PAX9: variants seen among roughly 807,000 people sequenced by gnomAD.
PAX9 encodes paired box 9.
Under a neutral mutation model 29.1 loss-of-function variants are expected in PAX9, and 6 were observed. That is an observed-to-expected ratio of 0.21 (90% confidence interval 0.11 to 0.41). The LOEUF is 0.41. Ranked by LOEUF, PAX9 falls within the 10% of genes least tolerant of loss-of-function variation. The pLI, the probability that PAX9 is intolerant of heterozygous loss-of-function variation, is 1.00. For synonymous variants in PAX9, 217 were observed against 211.7 expected, an observed-to-expected ratio of 1.03 and a Z score of -0.22; for missense variants, 443 against 479.1, an observed-to-expected ratio of 0.92 and a Z score of 0.70.
At position 36,676,202 on chromosome 14, in the gene PAX9, C is replaced by A. The variant is rs1881881391; in HGVS notation, c.776C>A (p.Pro259Gln). 3.1e-6 allele frequency: 5 copies of A among 1,614,092 alleles called. No homozygotes were observed. Among genetic ancestry groups the A allele is most frequent in the Non-Finnish European group, 3.4e-6 (4 of 1,180,000 alleles). ...CTTCTTTTCTACTCCTCTCAGGCAC[C>A]AAATGGTCTCCCAGCTGTGGGCAGT... ...LEQEAKYGQAPNGLPAVGSFV... is the reference protein window; with the variant it reads ...LEQEAKYGQAQNGLPAVGSFV... Residue 259 changes from proline to glutamine, a missense_variant, in exon 4 of 4, where the codon CCA (proline) becomes CAA (glutamine). Physicochemically the swap from Pro to Gln is moderately conservative, Grantham distance 76 (BLOSUM62 -1). Coordinates refer to ENST00000361487, the MANE Select transcript of PAX9 (RefSeq NM_001372076.1).
At chr14:36,669,407 A>C (rs1323388883) in intron 3 of PAX9, among the ~76,000 whole-genome samples, 1 of 151,356 alleles carries the variant, frequency 6.6e-6, no homozygotes, top group Non-Finnish European at 1.5e-5. Context: ...CTCTGCTTAT[A>C]TTATGGACAA....
chr14:36,665,375 T>G (rs906128729), intron 2 of PAX9, among the ~76,000 whole-genome samples: 9 of 152,176 alleles, frequency 5.9e-5, no homozygotes, highest in Non-Finnish European at 8.8e-5. Flanking sequence ...TGATCATTTC[T>G]ACAAAAATGC....
chr14:36,676,629 TTTCTC>T lies in PAX9; in HGVS notation c.*180_*184del. On this transcript the variant is annotated 3_prime_UTR_variant, in exon 4 of 4. Transcript: ENST00000361487. ...CACTTACATATTTCTTGCCATAACT[TTTCTC>T]TTGCAGAAAAACTGACATGACTTTA... The T allele has an allele frequency of 1.4e-6, 1 of 718,086 alleles. No individual in the cohort carries two copies. Among genetic ancestry groups the T allele is most frequent in the Non-Finnish European group, 2.3e-6 (1 of 427,654 alleles). 44.5% of individuals were successfully genotyped at this position (718,086 alleles called of 1,614,324 possible). A position where few individuals can be genotyped will look rare whatever the true frequency, so the allele number is the denominator to read the frequency against.
At chr14:36,666,303 G>A in intron 2 of PAX9, 159 bp from the exon 3 acceptor site, 1 of 826,922 alleles carries the variant, frequency 1.2e-6, no homozygotes, top group East Asian at 2.7e-5. Context: ...TGGAAGCACA[G>A]GAGGTCGCGG....
In PAX9 at chr14:36,663,038, CGCACGGCTGCGTCAGCAAGATCCT is replaced by C; in HGVS notation, c.148_171del (p.His50_Leu57del). 1 of 1,613,832 alleles carries C rather than the reference CGCACGGCTGCGTCAGCAAGATCCT, an allele frequency of 6.2e-7. No individual in the cohort carries two copies. Among genetic ancestry groups the C allele is most frequent in the Non-Finnish European group, 8.5e-7 (1 of 1,180,024 alleles). Reference sequence around the variant, plus strand: ...GACATCAGCCGCCAGCTACGGGTCTCGCACGGCTGCGTCAGCAAGATCCTGGCGCGATACAACGAGACGGGCTCG... The same window carrying C: ...GACATCAGCCGCCAGCTACGGGTCTCGGCGCGATACAACGAGACGGGCTCG... On this transcript the variant is annotated inframe_deletion, in exon 2 of 4. Coordinates refer to ENST00000361487, the MANE Select transcript of PAX9 (RefSeq NM_001372076.1).
rs1382045842 is a variant in PAX9 at position 36,677,678 on chromosome 14, A to ACAT, written c.*1227_*1229dup. The ACAT allele has an allele frequency of 6.6e-6, 1 of 152,246 alleles. No individual in the cohort carries two copies. The highest frequency in any genetic ancestry group is 2.4e-5 in the African/African-American group (1 of 41,474). 9.4% of individuals were successfully genotyped at this position (152,246 alleles called of 1,614,324 possible). Reference sequence around the variant, plus strand: ...GTAACAATGGCTTGCTGTGAAGTTTACATTGTTGTACAGAAGCATGTTTCG... The same window carrying ACAT: ...GTAACAATGGCTTGCTGTGAAGTTTACATCATTGTTGTACAGAAGCATGTTTCG... On this transcript the variant is annotated 3_prime_UTR_variant, in exon 4 of 4. Transcript: ENST00000361487.
chr14:36,669,344 T>C (rs1881624634), intron 3 of PAX9, among the ~76,000 whole-genome samples: 1 of 152,182 alleles, frequency 6.6e-6, no homozygotes, highest in African/African-American at 2.4e-5. Context: ...TTTTTCAAAA[T>C]GGAATCAGCA....
At position 36,679,301 on chromosome 14, in the gene PAX9, T is replaced by C; in HGVS notation, c.*2849T>C. The C allele has an allele frequency of 2.1e-6, 2 of 975,002 alleles. No homozygotes were observed. Among genetic ancestry groups the C allele is most frequent in the Non-Finnish European group, 2.4e-6 (2 of 820,498 alleles). 60.4% of individuals were successfully genotyped at this position (975,002 alleles called of 1,614,324 possible). ...CAGAAGGCTATGTATGTATATACAG[T>C]ATGTCAAAAGCCTTTTATTTTTATA... On this transcript the variant is annotated 3_prime_UTR_variant, in exon 4 of 4. Transcript: ENST00000361487.
At chr14:36,666,381 C>T (rs1594469506) in intron 2 of PAX9, 81 bp from the exon 3 acceptor site, 1 of 1,535,394 alleles carries the variant, frequency 6.5e-7, no homozygotes, top group Non-Finnish European at 8.8e-7. Flanking sequence ...TCCAGCTCTC[C>T]GTCGCGGGTT....
In PAX9 at chr14:36,666,499, G is replaced by A. The variant is rs746246932; in HGVS notation, c.669G>A (p.Glu223=). The part of the protein sequence containing the change: ...DSSPYHSPKV[E]EWSSLGRNNF... ...CCCCCTACCACAGCCCCAAGGTGGA[G>A]GAGTGGAGCAGCCTGGGCCGCAACA... Residue 223 remains glutamate (E), a synonymous_variant, in exon 3 of 4, where the codon GAG becomes GAA. Transcript: ENST00000361487. 6.2e-7 allele frequency: 1 copy of A among 1,609,952 alleles called. No homozygotes were observed. Among genetic ancestry groups the A allele is most frequent in the Non-Finnish European group, 8.5e-7 (1 of 1,178,470 alleles).
chr14:36,673,252 A>G (rs1018019608), intron 3 of PAX9, among the ~76,000 whole-genome samples: 6 of 152,154 alleles, frequency 3.9e-5, no homozygotes, highest in Non-Finnish European at 8.8e-5. Context: ...GCATCACTAA[A>G]ATGATACTAA....
In PAX9 at chr14:36,676,347, C is replaced by G. The variant is rs1881887610; in HGVS notation, c.921C>G (p.Gly307=). ...VAGHGWQHAG[G]TSLSPHNCDI... ...GACATGGGTGGCAACATGCTGGGGG[C>G]ACCTCATTGTCTCCCCACAACTGTG... Residue 307 remains glycine, a synonymous_variant, in exon 4 of 4, where the codon GGC becomes GGG. Coordinates refer to ENST00000361487, the MANE Select transcript of PAX9 (RefSeq NM_001372076.1). 1.2e-6 allele frequency: 2 copies of G among 1,614,122 alleles called. No homozygotes were observed. The highest frequency in any genetic ancestry group is 1.7e-6 in the Non-Finnish European group (2 of 1,180,010).
In PAX9 at chr14:36,677,517, A is replaced by G. The variant is rs1412472136; in HGVS notation, c.*1065A>G. The G allele has an allele frequency of 2.0e-5, 3 of 152,264 alleles. No individual in the cohort carries two copies. Among genetic ancestry groups the G allele is most frequent in the Non-Finnish European group, 4.4e-5 (3 of 68,046 alleles). The allele number at this position is 152,264 out of a possible 1,614,324, so 9.4% of individuals were successfully genotyped here. ...TGTGAAATGTTTTGCAAAGATGCTT[A>G]AAATGAACTTTGTGTTAAGAAAACC... On this transcript the variant is annotated 3_prime_UTR_variant, in exon 4 of 4. Transcript: ENST00000361487.
At chr14:36,676,003 C>T (rs1040475855) in intron 3 of PAX9, among the ~76,000 whole-genome samples, 195 bp from the exon 4 acceptor site, 2 of 152,176 alleles carry the variant, frequency 1.3e-5, no homozygotes, top group African/African-American at 4.8e-5. Context: ...AATATCTTGT[C>T]ATTATGTTTG....
At chr14:36,664,177 C>T (rs1881402033) in intron 2 of PAX9, among the ~76,000 whole-genome samples, 1 of 152,208 alleles carries the variant, frequency 6.6e-6, no homozygotes, top group African/African-American at 2.4e-5. Context: ...GTCATATTCA[C>T]ATTCTCTCTC....
upstream of PAX9, among the ~76,000 whole-genome samples, chr14:36,659,508 T>A (rs1437762186): frequency 6.6e-6 from 1 of 152,174 alleles, no homozygotes; most frequent in East Asian, 1.9e-4. Flanking sequence ...TTGCCGCGGA[T>A]ACTTAGTGGC....
chr14:36,676,658 T>C lies in PAX9; in HGVS notation c.*206T>C, dbSNP rs17104962. 5,941 of 628,672 alleles carry C rather than the reference T, an allele frequency of 9.5e-3. 230 individuals are homozygous for C. Among genetic ancestry groups the C allele is most frequent in the African/African-American group, 0.09 (4,979 of 55,048 alleles). The allele number at this position is 628,672 out of a possible 1,614,324, so 38.9% of individuals were successfully genotyped here. Reference sequence around the variant, plus strand: ...TCTTGCAGAAAAACTGACATGACTTTAGGATTTAAAAACAAGAGCAACAAT... The same window carrying C: ...TCTTGCAGAAAAACTGACATGACTTCAGGATTTAAAAACAAGAGCAACAAT... On this transcript the variant is annotated 3_prime_UTR_variant, in exon 4 of 4. Coordinates refer to ENST00000361487, the MANE Select transcript of PAX9 (RefSeq NM_001372076.1).
At chr14:36,662,433 GAAAAC>G in intron 1 of PAX9, 1 of 416,958 alleles carries the variant, frequency 2.4e-6, no homozygotes, top group African/African-American at 2.0e-5. Context: ...GAAAAGAAAA[GAAAAC>G]AAACAACAAC....
chr14:36,664,131 T>C (rs772199116), intron 2 of PAX9, among the ~76,000 whole-genome samples: 7 of 152,272 alleles, frequency 4.6e-5, no homozygotes, highest in Non-Finnish European at 8.8e-5. Context: ...CCGAAGTTAC[T>C]ACTAGTAACT....
Sources: allele counts gnomAD v4.1 joint callset (sites outside exome capture counted in the v4.1 genomes callset), GRCh38; gene constraint gnomAD v4.1.1; transcripts MANE v1.5; gene names NCBI Gene and HGNC (gene_info 2026-07-23, HGNC 2026-07-21).